The following TMEM63C variants were observed in gnomAD, a reference collection of about 807,000 sequenced individuals.
TMEM63C encodes transmembrane protein 63C, also known as osmosensitive cation channel TMEM63C.
TMEM63C carries 32 observed loss-of-function variants against 99.2 expected under a neutral mutation model. That is an observed-to-expected ratio of 0.32 (90% CI 0.24 to 0.43). TMEM63C has a LOEUF of 0.43. Ranked by LOEUF, TMEM63C falls within the 20% of genes least tolerant of loss-of-function variation. TMEM63C has a pLI of 1.00. For missense variants in TMEM63C, 826 were observed against 1,053.0 expected, an observed-to-expected ratio of 0.78 and a Z score of 2.98; for synonymous variants, 376 against 397.9, an observed-to-expected ratio of 0.94 and a Z score of 0.66.
chr14:77,217,123 C>T (rs187741375), intron 2 of TMEM63C, among the ~76,000 whole-genome samples: 269 of 151,896 alleles, frequency 1.8e-3, no homozygotes, highest in African/African-American at 6.3e-3. Flanking sequence ...GCCACCGTGA[C>T]AGAGTGAGGC....
At chr14:77,245,642 T>A in intron 16 of TMEM63C, among the ~76,000 whole-genome samples, 1 of 152,196 alleles carries the variant, frequency 6.6e-6, no homozygotes, top group East Asian at 1.9e-4. Flanking sequence ...GTTACGTGGA[T>A]GGCAGCAGGC....
intron 12 of TMEM63C, 45 bp downstream of exon 12, chr14:77,239,771 T>G (rs747825448): frequency 2.1e-5 from 33 of 1,602,066 alleles, no homozygotes; most frequent in Middle Eastern, 1.7e-4. Context: ...AGCGGTGGGG[T>G]CCTGGGGCTC....
chr14:77,243,748 AAC>A (rs1374990994), intron 15 of TMEM63C, among the ~76,000 whole-genome samples: 1 of 152,120 alleles, frequency 6.6e-6, no homozygotes, highest in Non-Finnish European at 1.5e-5. Flanking sequence ...CATTTCCAAC[AAC>A]ACACATGTGC....
intron 1 of TMEM63C, among the ~76,000 whole-genome samples, chr14:77,191,538 C>CTTTTTTTTTTTTTTTT (rs71125542): frequency 3.1e-4 from 26 of 82,610 alleles, no homozygotes; most frequent in East Asian, 1.2e-3. Flanking sequence ...TTTTCTTTTT[C>CTTTTTTTTTTTTTTTT]TTTTTTTTTT....
intron 1 of TMEM63C, among the ~76,000 whole-genome samples, chr14:77,183,950 C>T (rs1594845615): frequency 6.6e-6 from 1 of 152,174 alleles, no homozygotes; most frequent in African/African-American, 2.4e-5. Context: ...AGAGAGGCCC[C>T]GTGGTGAGAA....
Position 77,253,338 on chromosome 14 carries a change from A to G in TMEM63C, c.2182A>G (p.Met728Val). Residue 728 changes from methionine to valine, a missense_variant, in exon 23 of 24, where the codon ATG becomes GTG. Transcript: ENST00000298351. Reference protein sequence around the residue: ...EEEEIQTVFDMEPSSTSSTPT... With the variant: ...EEEEIQTVFDVEPSSTSSTPT... ...GGAGGAGATCCAGACAGTGTTTGACATGGAGCCAAGCAGCACCTCCTCCAC... is the reference window on the plus strand; with the variant it reads ...GGAGGAGATCCAGACAGTGTTTGACGTGGAGCCAAGCAGCACCTCCTCCAC... 3.1e-6 allele frequency: 5 copies of G among 1,613,122 alleles called. No individual in the cohort carries two copies. Among genetic ancestry groups the G allele is most frequent in the Non-Finnish European group, 4.2e-6 (5 of 1,179,672 alleles).
chr14:77,187,929 G>A (rs1036155589), intron 1 of TMEM63C, among the ~76,000 whole-genome samples: 2 of 152,190 alleles, frequency 1.3e-5, no homozygotes, highest in East Asian at 1.9e-4. Context: ...CCCACTCAGG[G>A]GTTATTTGTG....
intron 5 of TMEM63C, among the ~76,000 whole-genome samples, chr14:77,222,599 A>T: frequency 6.7e-6 from 1 of 149,870 alleles, no homozygotes; most frequent in African/African-American, 2.5e-5. Context: ...ATCCTCCCTT[A>T]CTCCTCCCAA....
At chr14:77,197,282 C>T (rs528796362) in intron 1 of TMEM63C, among the ~76,000 whole-genome samples, 1 of 152,218 alleles carries the variant, frequency 6.6e-6, no homozygotes. Flanking sequence ...TTTATGTCCC[C>T]TTTATAATTT....
At chr14:77,219,159 G>A (rs1215131193) in intron 3 of TMEM63C, among the ~76,000 whole-genome samples, 196 bp downstream of exon 3, 1 of 152,254 alleles carries the variant, frequency 6.6e-6, no homozygotes, top group Non-Finnish European at 1.5e-5. Flanking sequence ...CAGAATTCCT[G>A]GGATTCTTTT....
At chr14:77,211,406 T>A (rs1436378671) in intron 1 of TMEM63C, among the ~76,000 whole-genome samples, 1 of 152,242 alleles carries the variant, frequency 6.6e-6, no homozygotes, top group Non-Finnish European at 1.5e-5. Context: ...CTTATGAGAA[T>A]TAAATGAGCT....
intron 22 of TMEM63C, among the ~76,000 whole-genome samples, chr14:77,252,361 G>C (rs1276282481): frequency 6.6e-6 from 1 of 152,198 alleles, no homozygotes; most frequent in Non-Finnish European, 1.5e-5. Flanking sequence ...CATGTTTGGA[G>C]GTGGCCCCTG....
intron 1 of TMEM63C, among the ~76,000 whole-genome samples, chr14:77,197,057 T>A (rs900770920): frequency 1.3e-5 from 2 of 152,240 alleles, no homozygotes; most frequent in African/African-American, 4.8e-5. Flanking sequence ...TCTTCCCTAT[T>A]TAAGTAAGTA....
chr14:77,244,796 T>C (rs1423997221), intron 16 of TMEM63C, among the ~76,000 whole-genome samples: 1 of 152,184 alleles, frequency 6.6e-6, no homozygotes, highest in East Asian at 1.9e-4. Context: ...AGGCATTCCA[T>C]GCAGAAGGCA....
At chr14:77,195,262 A>C (rs1464099864) in intron 1 of TMEM63C, among the ~76,000 whole-genome samples, 1 of 152,162 alleles carries the variant, frequency 6.6e-6, no homozygotes, top group Non-Finnish European at 1.5e-5. Flanking sequence ...GCCAATCTTT[A>C]TTTTATCCAT....
Position 77,257,287 on chromosome 14 carries a change from AC to A in TMEM63C, c.*564del. On this transcript the variant is annotated 3_prime_UTR_variant, in exon 24 of 24. Coordinates refer to ENST00000298351, the MANE Select transcript of TMEM63C (RefSeq NM_020431.4). Reference sequence around the variant, plus strand: ...GGATCTGTAAAGAGAAAGTTTCTGCACCCACCAGAGCAAGAGCCAACTGAAA... The same window carrying A: ...GGATCTGTAAAGAGAAAGTTTCTGCACCACCAGAGCAAGAGCCAACTGAAA... 1 of 153,716 alleles carries A rather than the reference AC, an allele frequency of 6.5e-6. No homozygotes were observed. The highest frequency in any genetic ancestry group is 1.4e-5 in the Non-Finnish European group (1 of 69,094). The allele number at this position is 153,716 out of a possible 1,614,324, so 9.5% of individuals were successfully genotyped here.
chr14:77,223,757 A>G (rs1404266786), intron 5 of TMEM63C, among the ~76,000 whole-genome samples: 4 of 152,090 alleles, frequency 2.6e-5, no homozygotes, highest in Non-Finnish European at 4.4e-5. Context: ...TGGATGACCC[A>G]TCCTCTGTCT....
chr14:77,219,003 C>T (rs777158529), intron 3 of TMEM63C, 40 bp downstream of exon 3: 64 of 1,483,084 alleles, frequency 4.3e-5, no homozygotes, highest in Admixed American at 8.0e-5. Context: ...AGTAAAGCCT[C>T]AGACAGGGTC....
In TMEM63C at chr14:77,246,019, C is replaced by T. The variant is rs771426289; in HGVS notation, c.1528C>T (p.Leu510=). The T allele has an allele frequency of 1.2e-6, 2 of 1,612,656 alleles. No individual in the cohort carries two copies. The highest frequency in any genetic ancestry group is 2.7e-5 in the African/African-American group (2 of 75,034). The change falls in exon 17 of 24, where the codon CTG becomes TTG. Residue 510 remains leucine (L), a synonymous_variant. Coordinates refer to ENST00000298351, the MANE Select transcript of TMEM63C (RefSeq NM_020431.4). ...FMVVILPSMG[L]TSLDVFLRWL... is the part of the protein sequence containing the mutation. ...GGTAGTCATTCTGCCCTCTATGGGA[C>T]TGACCAGGTACCTCACTTCCAATTA...
Sources: allele counts gnomAD v4.1 joint callset (sites outside exome capture counted in the v4.1 genomes callset), GRCh38; gene constraint gnomAD v4.1.1; transcripts MANE v1.5; gene names NCBI Gene and HGNC (gene_info 2026-07-23, HGNC 2026-07-21).